KLF7: variants seen among roughly 807,000 people sequenced by gnomAD.
The protein encoded by KLF7 is Krueppel-like factor 7.
KLF7 carries 2 observed loss-of-function variants against 27.3 expected under a neutral mutation model. The observed-to-expected ratio is 0.07, with a 90% confidence interval of 0.03 to 0.23. The LOEUF is 0.23. Among genes scored for constraint, KLF7 ranks in the 10% least tolerant of loss-of-function variants. The pLI, the probability that KLF7 is intolerant of heterozygous loss-of-function variation, is 1.00. For missense variants in KLF7, 221 were observed against 394.1 expected (o/e 0.56, Z 3.72); for synonymous variants, 165 against 162.4 (o/e 1.02, Z -0.12).
intron 2 of KLF7, among the ~76,000 whole-genome samples, chr2:207,098,526 T>C (rs1010592588): frequency 6.6e-6 from 1 of 152,294 alleles, no homozygotes; most frequent in African/African-American, 2.4e-5. Context: ...TAAACTCACC[T>C]TTGGTCAACC....
intron 2 of KLF7, among the ~76,000 whole-genome samples, chr2:207,093,473 C>T (rs1021729287): frequency 1.3e-5 from 2 of 152,236 alleles, no homozygotes; most frequent in Non-Finnish European, 2.9e-5. Flanking sequence ...TGCTCCCTCA[C>T]TTCATTCCGG....
At chr2:207,135,195 TA>T (rs1481723236) in intron 1 of KLF7, among the ~76,000 whole-genome samples, 2 of 152,180 alleles carry the variant, frequency 1.3e-5, no homozygotes, top group Admixed American at 1.3e-4. Context: ...AGGGGCCCAC[TA>T]ATCTGGAATT....
chr2:207,103,517 T>C (rs1408074319), intron 2 of KLF7, among the ~76,000 whole-genome samples: 1 of 152,252 alleles, frequency 6.6e-6, no homozygotes, highest in Non-Finnish European at 1.5e-5. Context: ...ATTTAGGATC[T>C]AATTAATTCA....
At chr2:207,167,025 G>T, upstream of KLF7, 2 of 905,556 alleles carry the variant, frequency 2.2e-6, no homozygotes, top group Non-Finnish European at 1.4e-6. Context: ...AGAGTTGATT[G>T]CAAGGGGCCT....
upstream of KLF7, chr2:207,166,854 A>T: frequency 9.5e-7 from 1 of 1,052,558 alleles, no homozygotes; most frequent in Non-Finnish European, 1.1e-6. Context: ...AGTGCCACAC[A>T]ATGGGAGAGA....
intron 2 of KLF7, chr2:207,122,018 G>A (rs768403123): frequency 1.2e-4 from 18 of 152,236 alleles, no homozygotes; most frequent in Admixed American, 1.0e-3. Flanking sequence ...GTTTCCTGGA[G>A]GGGCCAGGAG....
intron 1 of KLF7, among the ~76,000 whole-genome samples, chr2:207,128,492 G>C (rs1367327922): frequency 6.6e-6 from 1 of 152,164 alleles, no homozygotes; most frequent in East Asian, 1.9e-4. Flanking sequence ...AAAGATCTAT[G>C]ATGAGAAACA....
At chr2:207,140,909 TG>T (rs1044801493) in intron 1 of KLF7, among the ~76,000 whole-genome samples, 6 of 152,138 alleles carry the variant, frequency 3.9e-5, no homozygotes, top group African/African-American at 1.4e-4. Flanking sequence ...TGAGACTTTT[TG>T]TAAGTATGTA....
chr2:207,117,651 G>A (rs946865952), intron 2 of KLF7, among the ~76,000 whole-genome samples: 2 of 152,170 alleles, frequency 1.3e-5, no homozygotes, highest in African/African-American at 2.4e-5. Flanking sequence ...GGTTGAAAGT[G>A]GTTGATGAAC....
upstream of KLF7, among the ~76,000 whole-genome samples, chr2:207,167,731 G>A (rs899477128): frequency 2.0e-5 from 3 of 152,208 alleles, no homozygotes; most frequent in African/African-American, 7.2e-5. Context: ...CTAACTAGCT[G>A]CACGACTTTG....
chr2:207,101,826 A>T (rs1259025649), intron 2 of KLF7, among the ~76,000 whole-genome samples: 2 of 152,202 alleles, frequency 1.3e-5, no homozygotes, highest in Non-Finnish European at 2.9e-5. Flanking sequence ...AGAGACTATC[A>T]TATTGTTTGA....
At chr2:207,118,911 C>T (rs746877512) in intron 2 of KLF7, among the ~76,000 whole-genome samples, 6 of 152,084 alleles carry the variant, frequency 3.9e-5, no homozygotes, top group Non-Finnish European at 8.8e-5. Flanking sequence ...TTTTAGCCAC[C>T]TTTTCATTTG....
intron 1 of KLF7, among the ~76,000 whole-genome samples, chr2:207,163,540 C>T (rs1355752732): frequency 1.3e-5 from 2 of 152,182 alleles, no homozygotes; most frequent in Non-Finnish European, 2.9e-5. Context: ...GATGGTCTAG[C>T]CAGATCTAGA....
intron 2 of KLF7, among the ~76,000 whole-genome samples, chr2:207,120,067 G>A (rs1009881419): frequency 3.3e-5 from 5 of 151,852 alleles, no homozygotes; most frequent in Non-Finnish European, 5.9e-5. Context: ...CCCATTCCTC[G>A]CCTCGTTATC....
At chr2:207,172,872 T>C in the KLF7 span, among the ~76,000 whole-genome samples, 142 of 152,348 alleles carry the variant, frequency 9.3e-4, 1 homozygote, top group African/African-American at 3.3e-3. Flanking sequence ...TAATTGAATA[T>C]ATTGCATTGT....
At chr2:207,144,702 G>C (rs1313497388) in intron 1 of KLF7, among the ~76,000 whole-genome samples, 2 of 152,174 alleles carry the variant, frequency 1.3e-5, no homozygotes, top group African/African-American at 4.8e-5. Context: ...TTTCAGGGCA[G>C]CAAATCTGCT....
At chr2:207,150,875 C>T (rs2078223655) in intron 1 of KLF7, among the ~76,000 whole-genome samples, 1 of 151,340 alleles carries the variant, frequency 6.6e-6, no homozygotes, top group Non-Finnish European at 1.5e-5. Context: ...TCTTTTCCTG[C>T]AAATGTTCAT....
chr2:207,079,002 G>A lies in KLF7; in HGVS notation c.*2211C>T, dbSNP rs1448188000. 6.6e-6 allele frequency: 1 copy of A among 151,466 alleles called. No individual in the cohort carries two copies. The highest frequency in any genetic ancestry group is 1.9e-4 in the East Asian group (1 of 5,180). 9.4% of individuals were successfully genotyped at this position (151,466 alleles called of 1,614,324 possible). A position where few individuals can be genotyped will look rare whatever the true frequency, so the allele number is the denominator to read the frequency against. On this transcript the variant is annotated 3_prime_UTR_variant, in exon 4 of 4. Transcript: ENST00000309446. ...TGCCTCCGGCAAATGGACAGATTTT[G>A]TGTGTGTGTGCGCGTGTGTGTTAAC...
chr2:207,162,266 C>T (rs2078571798), intron 1 of KLF7, among the ~76,000 whole-genome samples: 2 of 152,200 alleles, frequency 1.3e-5, no homozygotes, highest in African/African-American at 4.8e-5. Flanking sequence ...ACTCTGGTTT[C>T]TGTCCTACCC....
Sources: gnomAD v4.1 joint callset for allele counts (sites outside exome capture counted in the v4.1 genomes callset) on GRCh38, gnomAD v4.1.1 for gene constraint, MANE v1.5 for transcripts, NCBI Gene and HGNC (gene_info 2026-07-23, HGNC 2026-07-21) for gene names.